Variants in CHLSN observed in about 807,000 individuals in gnomAD.
CHLSN encodes the protein cholesin.
the CHLSN span, among the ~76,000 whole-genome samples, chr7:1,104,017 A>G: frequency 6.6e-6 from 1 of 152,162 alleles, no homozygotes; most frequent in Non-Finnish European, 1.5e-5. Context: ...TCTCGGTGCC[A>G]CCTAAGCACC....
the CHLSN span, among the ~76,000 whole-genome samples, chr7:1,131,019 G>A: frequency 1.4e-4 from 22 of 152,058 alleles, no homozygotes; most frequent in Non-Finnish European, 2.5e-4. Flanking sequence ...GAGGCTCCAC[G>A]TCTACAAAAC....
chr7:1,106,196 G>A, the CHLSN span, among the ~76,000 whole-genome samples: 3 of 152,294 alleles, frequency 2.0e-5, no homozygotes, highest in South Asian at 4.1e-4. Flanking sequence ...GCACTCAGCT[G>A]TCGGGCTCTG....
At chr7:1,057,587 G>A in the CHLSN span, 2 of 772,034 alleles carry the variant, frequency 2.6e-6, no homozygotes, top group Middle Eastern at 2.5e-4. Context: ...ACCTGCAGCT[G>A]GGGCTGTCAC....
chr7:1,130,207 G>A, the CHLSN span, among the ~76,000 whole-genome samples: 2 of 152,270 alleles, frequency 1.3e-5, no homozygotes, highest in Non-Finnish European at 2.9e-5. Flanking sequence ...ACGCCAGGAC[G>A]GAGAAGTCCA....
the CHLSN span, among the ~76,000 whole-genome samples, chr7:1,090,720 A>G: frequency 6.6e-6 from 1 of 152,000 alleles, no homozygotes; most frequent in Non-Finnish European, 1.5e-5. Context: ...CTCGGGAGGG[A>G]CTCTCTCCCT....
the CHLSN span, among the ~76,000 whole-genome samples, chr7:1,069,350 TCCCTCTC>T: frequency 0.11 from 16,788 of 147,994 alleles, 1,105 homozygotes; most frequent in East Asian, 0.2. Context: ...TAAATAGCTC[TCCCTCTC>T]CCCTCTCCCC....
At chr7:1,033,089 C>A in the CHLSN span, among the ~76,000 whole-genome samples, 1 of 152,224 alleles carries the variant, frequency 6.6e-6, no homozygotes, top group Non-Finnish European at 1.5e-5. Flanking sequence ...CAGCCCAGCT[C>A]GGTCTGTGAA....
At chr7:1,119,346 A>T in the CHLSN span, among the ~76,000 whole-genome samples, 5 of 152,254 alleles carry the variant, frequency 3.3e-5, no homozygotes, top group African/African-American at 1.2e-4. Flanking sequence ...GCACTTTGAG[A>T]GGCCAAGGCA....
chr7:1,075,490 C>T, the CHLSN span, among the ~76,000 whole-genome samples: 500 of 151,114 alleles, frequency 3.3e-3, 2 homozygotes, highest in African/African-American at 0.011. Context: ...CACCACTGCA[C>T]TCCAACCTGG....
At chr7:1,131,450 C>G in the CHLSN span, among the ~76,000 whole-genome samples, 2 of 152,180 alleles carry the variant, frequency 1.3e-5, no homozygotes, top group African/African-American at 4.8e-5. Context: ...ACAAGGGTTC[C>G]CCCCATCCCA....
At chr7:1,045,050 C>A in the CHLSN span, among the ~76,000 whole-genome samples, 1 of 152,244 alleles carries the variant, frequency 6.6e-6, no homozygotes, top group South Asian at 2.1e-4. Context: ...AGTTTTGGAT[C>A]TGTGTCTACA....
At chr7:1,044,778 C>T in the CHLSN span, 3 of 152,158 alleles carry the variant, frequency 2.0e-5, no homozygotes, top group African/African-American at 7.2e-5. Context: ...TACTGGGACC[C>T]GGGTCCTCTG....
chr7:1,088,162 C>G, the CHLSN span: 1 of 152,276 alleles, frequency 6.6e-6, no homozygotes, highest in African/African-American at 2.4e-5. This position sits in a 1 kb window ranked among gnomAD's most constrained non-coding sequence, Gnocchi z 4.5. Flanking sequence ...AACCTTCCCT[C>G]GCGGGCTCCC....
the CHLSN span, chr7:987,455 G>T: frequency 6.3e-7 from 1 of 1,575,618 alleles, no homozygotes; most frequent in Non-Finnish European, 8.6e-7. Context: ...GAGGTGCAGC[G>T]GTTCATCACG....
the CHLSN span, among the ~76,000 whole-genome samples, chr7:1,136,573 TAAAC>T: frequency 4.5e-3 from 98 of 21,806 alleles, no homozygotes; most frequent in East Asian, 0.11. Context: ...CATATAAACA[TAAAC>T]ATATATAAAC....
chr7:1,059,064 A>G, the CHLSN span: 1 of 173,612 alleles, frequency 5.8e-6, no homozygotes, highest in South Asian at 1.8e-4. Context: ...AGTGCCTGAG[A>G]CGCGGAGACA....
chr7:989,777 C>T, the CHLSN span: 1 of 200,870 alleles, frequency 5.0e-6, no homozygotes, highest in Non-Finnish European at 1.0e-5. Flanking sequence ...GAGATTCCAT[C>T]TCAAACAAAC....
At chr7:993,790 C>G in the CHLSN span, among the ~76,000 whole-genome samples, 1 of 152,106 alleles carries the variant, frequency 6.6e-6, no homozygotes, top group Non-Finnish European at 1.5e-5. Context: ...AAAGATGCCA[C>G]TCTCTTGGGG....
At chr7:1,080,410 G>A in the CHLSN span, among the ~76,000 whole-genome samples, 3 of 152,232 alleles carry the variant, frequency 2.0e-5, no homozygotes, top group Non-Finnish European at 4.4e-5. Flanking sequence ...CTCAAGCGCA[G>A]GAGGCACGGG....
Sources: gnomAD v4.1 joint callset for allele counts (sites outside exome capture counted in the v4.1 genomes callset) on GRCh38, gnomAD v4.1.1 for gene constraint, Gnocchi (gnomAD v3.1) non-coding constraint, MANE v1.5 for transcripts, NCBI Gene and HGNC (gene_info 2026-07-23, HGNC 2026-07-21) for gene names.